CUX1: variants seen among roughly 807,000 people sequenced by gnomAD.
The protein encoded by CUX1 is protein CASP.
In CUX1, 31 loss-of-function variants were observed where a neutral mutation model predicts 158.8. The ratio of observed to expected loss-of-function variants is 0.20; its 90% CI spans 0.15 to 0.26. CUX1 has a LOEUF of 0.26. Ranked by LOEUF, CUX1 falls within the 10% of genes least tolerant of loss-of-function variation. The pLI is 1.00. For missense variants in CUX1, 1,589 were observed against 2,014.6 expected (o/e 0.79, Z 4.04); for synonymous variants, 879 against 862.1 (o/e 1.02, Z -0.34).
chr7:102,177,965 T>A (rs1376522583), intron 10 of CUX1, among the ~76,000 whole-genome samples: 2 of 152,124 alleles, frequency 1.3e-5, no homozygotes, highest in Non-Finnish European at 2.9e-5. Flanking sequence ...CAATCTCAGC[T>A]CAGCGCAACC....
chr7:102,244,185 C>T (rs982495589), intron 23 of CUX1, among the ~76,000 whole-genome samples: 1 of 152,120 alleles, frequency 6.6e-6, no homozygotes, highest in East Asian at 1.9e-4. Context: ...CAGAGCTTCC[C>T]GACACTGGAT....
intron 4 of CUX1, among the ~76,000 whole-genome samples, chr7:102,074,455 A>C (rs1826479301): frequency 6.6e-6 from 1 of 152,152 alleles, no homozygotes; most frequent in Non-Finnish European, 1.5e-5. Context: ...CCCTTCCTGA[A>C]GTTTTATTTA....
intron 20 of CUX1, among the ~76,000 whole-genome samples, chr7:102,214,135 A>AAAG (rs1796814936): frequency 6.6e-6 from 1 of 151,762 alleles, no homozygotes; most frequent in African/African-American, 2.4e-5. Flanking sequence ...TTCATCTCAA[A>AAAG]AATAATAATA....
chr7:102,168,280 A>C (rs1337670825), intron 9 of CUX1, among the ~76,000 whole-genome samples: 1 of 152,096 alleles, frequency 6.6e-6, no homozygotes, highest in Non-Finnish European at 1.5e-5. Context: ...ACTGAATGTA[A>C]TTCCAAGAGC....
intron 8 of CUX1, among the ~76,000 whole-genome samples, chr7:102,157,095 G>A (rs1200703657): frequency 5.3e-5 from 8 of 152,198 alleles, no homozygotes; most frequent in African/African-American, 7.2e-5. Flanking sequence ...TTGGGGTCCC[G>A]CACGAGATGG....
chr7:102,055,017 T>C (rs1823976251), intron 3 of CUX1, among the ~76,000 whole-genome samples: 1 of 151,918 alleles, frequency 6.6e-6, no homozygotes, highest in Admixed American at 6.6e-5. Context: ...TTACCTTGAA[T>C]GTGTAAATCA....
chr7:101,954,500 A>G (rs1054915887), intron 2 of CUX1, among the ~76,000 whole-genome samples: 1 of 152,182 alleles, frequency 6.6e-6, no homozygotes, highest in African/African-American at 2.4e-5. Context: ...AATCCCAAGG[A>G]AAAAAAGTAG....
At chr7:101,881,467 C>G (rs1288874914) in intron 1 of CUX1, among the ~76,000 whole-genome samples, 1 of 152,206 alleles carries the variant, frequency 6.6e-6, no homozygotes, top group Non-Finnish European at 1.5e-5. Flanking sequence ...CTGACTACCT[C>G]CCTTGATTCC....
chr7:102,266,294 G>C (rs1198415259), intron 14 of CUX1, among the ~76,000 whole-genome samples: 1 of 151,610 alleles, frequency 6.6e-6, no homozygotes, highest in Non-Finnish European at 1.5e-5. Context: ...CCCGGGGTTT[G>C]GTCTGAGCCA....
chr7:101,940,067 G>A (rs750432639), intron 2 of CUX1, among the ~76,000 whole-genome samples: 19 of 146,340 alleles, frequency 1.3e-4, no homozygotes, highest in Non-Finnish European at 2.3e-4. Flanking sequence ...GCAATAGAGC[G>A]AGACTCCATC....
chr7:101,883,109 T>A (rs1799883671), intron 1 of CUX1, among the ~76,000 whole-genome samples: 1 of 152,174 alleles, frequency 6.6e-6, no homozygotes, highest in Non-Finnish European at 1.5e-5. Flanking sequence ...AGGTTTCAAG[T>A]CAGCCTCCAA....
chr7:101,935,332 T>A (rs188587256), intron 2 of CUX1, among the ~76,000 whole-genome samples: 33 of 152,272 alleles, frequency 2.2e-4, no homozygotes, highest in African/African-American at 7.0e-4. Flanking sequence ...CTCCCTTCGC[T>A]GACTCTCTTT....
chr7:101,933,706 G>T (rs972024439), intron 2 of CUX1, among the ~76,000 whole-genome samples: 2 of 152,156 alleles, frequency 1.3e-5, no homozygotes, highest in African/African-American at 4.8e-5. Flanking sequence ...AAGTGAAGAT[G>T]AATACATTCA....
intron 8 of CUX1, among the ~76,000 whole-genome samples, chr7:102,147,747 A>G (rs1835176080): frequency 1.3e-5 from 2 of 152,148 alleles, no homozygotes; most frequent in African/African-American, 2.4e-5. Flanking sequence ...CTGTCATCCC[A>G]GCACTTTGGG....
chr7:102,066,295 T>C (rs1485658291), intron 3 of CUX1, among the ~76,000 whole-genome samples: 1 of 152,080 alleles, frequency 6.6e-6, no homozygotes, highest in Admixed American at 6.6e-5. Flanking sequence ...TTCTCCTCCT[T>C]ATTGGATCCA....
At chr7:101,879,564 T>TC in intron 1 of CUX1, among the ~76,000 whole-genome samples, 1 of 152,352 alleles carries the variant, frequency 6.6e-6, no homozygotes, top group South Asian at 2.1e-4. Flanking sequence ...CCAGTTGTCT[T>TC]CGGCCTTCTG....
intron 2 of CUX1, among the ~76,000 whole-genome samples, chr7:101,974,689 A>G (rs1812421882): frequency 6.6e-6 from 1 of 152,152 alleles, no homozygotes; most frequent in African/African-American, 2.4e-5. Flanking sequence ...GCCAGGGGTG[A>G]TATCAGCTGA....
In CUX1 at chr7:102,248,990, A is replaced by C; in HGVS notation, c.4466A>C (p.His1489Pro). 7.0e-7 allele frequency: 1 copy of C among 1,424,524 alleles called. No homozygotes were observed. Among genetic ancestry groups the C allele is most frequent in the Non-Finnish European group, 9.3e-7 (1 of 1,078,162 alleles). 88.2% of individuals were successfully genotyped at this position (1,424,524 alleles called of 1,614,324 possible). A position where few individuals can be genotyped will look rare whatever the true frequency, so the allele number is the denominator to read the frequency against. Residue 1489 changes from histidine to proline, a missense_variant, in exon 24 of 24, where the codon CAC becomes CCC. Coordinates refer to ENST00000292535, the MANE Select transcript of CUX1 (RefSeq NM_181552.4). This position sits in a 1 kb window ranked among gnomAD's most constrained non-coding sequence, Gnocchi z 5.8. ...KKAANLNSII[H>P]RLEKAASREE... ...GCCGCGAACTTGAACAGCATCATCCACCGCCTGGAGAAGGCCGCCAGCCGG... is the reference window on the plus strand; with the variant it reads ...GCCGCGAACTTGAACAGCATCATCCCCCGCCTGGAGAAGGCCGCCAGCCGG...
At position 101,820,966 on chromosome 7, in the gene CUX1, C is replaced by T. The variant is rs541888210; in HGVS notation, c.30+3297C>T. Among the ~76,000 whole-genome samples, 3 of 152,288 alleles carry T rather than the reference C, an allele frequency of 2.0e-5. No homozygotes were observed. In the South Asian group the frequency reaches 6.2e-4, roughly 32 times the overall value. On this transcript the variant is annotated intron_variant, in intron 1 of 23. Coordinates refer to ENST00000292535, the MANE Select transcript of CUX1 (RefSeq NM_181552.4). ...AGCCTCTCCTTATGTCCCACTGTTG[C>T]TTACCTGGACAAAGCAGTCGTGCTG... is the stretch of plus-strand genomic sequence containing the variant.
Sources: gnomAD v4.1 joint callset for allele counts (sites outside exome capture counted in the v4.1 genomes callset) on GRCh38, gnomAD v4.1.1 for gene constraint, Gnocchi (gnomAD v3.1) non-coding constraint, MANE v1.5 for transcripts, NCBI Gene and HGNC (gene_info 2026-07-23, HGNC 2026-07-21) for gene names.